Variants in MEGF6 observed in about 807,000 individuals in gnomAD.
The protein encoded by MEGF6 is multiple EGF like domains 6.
Under a neutral mutation model 207.1 loss-of-function variants are expected in MEGF6, and 184 were observed. That is an observed-to-expected ratio of 0.89 (90% CI 0.79 to 1.00). The LOEUF is 1.00. Ranked by LOEUF, MEGF6 falls within the 50% of genes least tolerant of loss-of-function variation. The pLI, the probability that MEGF6 is intolerant of heterozygous loss-of-function variation, is 0.00. For synonymous variants in MEGF6, 1,038 were observed against 910.0 expected, an observed-to-expected ratio of 1.14 and a Z score of -2.53; for missense variants, 2,282 against 2,202.9, an observed-to-expected ratio of 1.04 and a Z score of -0.72.
intron 4 of MEGF6, among the ~76,000 whole-genome samples, chr1:3,576,048 G>C (rs1407742866): frequency 6.6e-6 from 1 of 152,262 alleles, no homozygotes; most frequent in Non-Finnish European, 1.5e-5. Flanking sequence ...GGTTACCCCG[G>C]TCACACAGGC....
the MEGF6 span, chr1:3,624,158 G>T: frequency 6.5e-6 from 1 of 152,692 alleles, no homozygotes; most frequent in Non-Finnish European, 1.5e-5. Context: ...TCCGAGCAGA[G>T]GGATCTGTCC....
At chr1:3,587,668 A>T (rs1250984313) in intron 3 of MEGF6, among the ~76,000 whole-genome samples, 2 of 152,212 alleles carry the variant, frequency 1.3e-5, no homozygotes, top group East Asian at 3.9e-4. Flanking sequence ...AAAGTCTGAC[A>T]TTGTGGAAAG....
At position 3,492,654 on chromosome 1, in the gene MEGF6, G is replaced by A. The variant is rs1427402316; in HGVS notation, c.4501C>T (p.Pro1501Ser). The A allele has an allele frequency of 7.4e-6, 12 of 1,610,878 alleles. No homozygotes were observed. The highest frequency in any genetic ancestry group is 1.0e-5 in the Non-Finnish European group (12 of 1,178,526). ...CCCAGCTCACCTTCCCGGCACGTGG[G>A]CCCCATGTAGCCATCCACACAGTGA... Reference protein sequence around the residue: ...QCHCVDGYMGPTCREGGPLRL... With the variant: ...QCHCVDGYMGSTCREGGPLRL... Residue 1501 changes from proline to serine, a missense_variant, in exon 35 of 37, where the codon CCC (proline) becomes TCC (serine). Transcript: ENST00000356575.
intron 4 of MEGF6, among the ~76,000 whole-genome samples, chr1:3,528,846 T>G (rs1642053424): frequency 6.6e-6 from 1 of 152,154 alleles, no homozygotes; most frequent in Admixed American, 6.5e-5. Context: ...TTTAGCCCAC[T>G]TTGGACTGGG....
At chr1:3,601,166 T>G (rs1644151552) in intron 2 of MEGF6, among the ~76,000 whole-genome samples, 1 of 152,218 alleles carries the variant, frequency 6.6e-6, no homozygotes, top group African/African-American at 2.4e-5. Flanking sequence ...GGAGAAATCA[T>G]GCCCCCATAG....
chr1:3,601,574 C>A (rs1473881707), intron 2 of MEGF6, among the ~76,000 whole-genome samples: 2 of 152,194 alleles, frequency 1.3e-5, no homozygotes, highest in Non-Finnish European at 1.5e-5. Context: ...CTGAGATGCT[C>A]AGCAGCATCC....
Position 3,542,232 on chromosome 1 carries a change from G to A in MEGF6, c.482-17986C>T, listed in dbSNP as rs547505023. Among the ~76,000 whole-genome samples the A allele has an allele frequency of 9.6e-4, 146 of 152,360 alleles. 1 individual carries two copies. The highest frequency in any genetic ancestry group is 3.4e-3 in the African/African-American group (141 of 41,588). The stretch of plus-strand genomic sequence containing the variant: ...GGGCCTGGATGGGTGGGGTCCACCC[G>A]GCCCTGGAGGCCAAAGGCAGCACTG... On this transcript the variant is annotated intron_variant, in intron 4 of 36. Coordinates refer to ENST00000356575, the MANE Select transcript of MEGF6 (RefSeq NM_001409.4).
At chr1:3,549,404 A>C (rs1642816035) in intron 4 of MEGF6, among the ~76,000 whole-genome samples, 1 of 152,178 alleles carries the variant, frequency 6.6e-6, no homozygotes, top group African/African-American at 2.4e-5. Flanking sequence ...CAGCTCCAGA[A>C]GCAGGTGACG....
At chr1:3,523,170 C>A (rs1641827528) in intron 5 of MEGF6, among the ~76,000 whole-genome samples, 1 of 152,058 alleles carries the variant, frequency 6.6e-6, no homozygotes, top group Non-Finnish European at 1.5e-5. Context: ...CTGCTCCGGG[C>A]CTCCAAGGCA....
At chr1:3,607,891 G>A (rs979719843) in intron 1 of MEGF6, among the ~76,000 whole-genome samples, 2 of 152,238 alleles carry the variant, frequency 1.3e-5, no homozygotes, top group African/African-American at 4.8e-5. Context: ...TCCAGGGCAG[G>A]CAGCGACAGT....
chr1:3,537,663 A>T (rs963301967), intron 4 of MEGF6, among the ~76,000 whole-genome samples: 1 of 152,226 alleles, frequency 6.6e-6, no homozygotes, highest in East Asian at 1.9e-4. Context: ...GGGCACAGGC[A>T]TCACTTCCGG....
chr1:3,581,670 A>C (rs1234641281), intron 3 of MEGF6, among the ~76,000 whole-genome samples: 1 of 152,170 alleles, frequency 6.6e-6, no homozygotes, highest in Non-Finnish European at 1.5e-5. Flanking sequence ...CAAATAGCCA[A>C]GACCAATCAC....
upstream of MEGF6, among the ~76,000 whole-genome samples, chr1:3,611,879 G>A (rs932030459): frequency 6.6e-5 from 10 of 152,060 alleles, no homozygotes; most frequent in East Asian, 1.4e-3. Flanking sequence ...TCCAGGAGGG[G>A]CCGGGCGCCA....
chr1:3,501,691 A>C, intron 18 of MEGF6, 105 bp downstream of exon 18: 1 of 1,434,338 alleles, frequency 7.0e-7, no homozygotes, highest in South Asian at 1.4e-5. Context: ...CCTGCTATAG[A>C]CGGGCCTGGG....
chr1:3,506,141 C>T lies in MEGF6; in HGVS notation c.1885G>A (p.Asp629Asn), dbSNP rs1456743362. Residue 629 changes from aspartate to asparagine, a missense_variant, in exon 15 of 37, where the codon GAC becomes AAC. Asp to Asn is a conservative substitution (Grantham distance 23). Transcript: ENST00000356575. Reference sequence around the variant, plus strand: ...CAGAAGCGGCCGTAGAGCCCTGGGTCGCAGAGGCAGGCCCCGTAGAGGCGG... The same window carrying T: ...CAGAAGCGGCCGTAGAGCCCTGGGTTGCAGAGGCAGGCCCCGTAGAGGCGG... Reference protein sequence around the residue: ...CHRLYGACLCDPGLYGRFCHL... With the variant: ...CHRLYGACLCNPGLYGRFCHL... The T allele has an allele frequency of 9.4e-6, 15 of 1,598,302 alleles. No homozygotes were observed. Among genetic ancestry groups the T allele is most frequent in the South Asian group, 1.1e-5 (1 of 88,630 alleles).
In MEGF6 at chr1:3,508,539, C is replaced by T. The variant is rs1569992775; in HGVS notation, c.1660+19G>A. The T allele has an allele frequency of 1.2e-6, 2 of 1,608,836 alleles. No individual in the cohort carries two copies. The highest frequency in any genetic ancestry group is 1.7e-6 in the Non-Finnish European group (2 of 1,177,156). On this transcript the variant is annotated intron_variant, in intron 13 of 36. Coordinates refer to ENST00000356575, the MANE Select transcript of MEGF6 (RefSeq NM_001409.4). ...CAGAGGCCCCTTCCCAGCCCCCAGC[C>T]CCTGCCCAGCTGCCTCACTCTCATT...
intron 5 of MEGF6, among the ~76,000 whole-genome samples, chr1:3,523,613 C>T (rs943381407): frequency 6.6e-6 from 1 of 152,190 alleles, no homozygotes; most frequent in Non-Finnish European, 1.5e-5. Context: ...CCTGGGCCCA[C>T]AAAGCCTGGC....
At chr1:3,516,443 G>A (rs60940180) in intron 5 of MEGF6, among the ~76,000 whole-genome samples, 5,299 of 152,282 alleles carry the variant, frequency 0.035, 293 homozygotes, top group African/African-American at 0.12. Context: ...AGGGGAGGCC[G>A]TCTGCCCAGG....
At chr1:3,540,517 T>C (rs1381231386) in intron 4 of MEGF6, among the ~76,000 whole-genome samples, 2 of 152,170 alleles carry the variant, frequency 1.3e-5, no homozygotes, top group African/African-American at 4.8e-5. Context: ...TCACCACACC[T>C]CCATCTCTTT....
Sources: gnomAD v4.1 joint callset for allele counts (sites outside exome capture counted in the v4.1 genomes callset) on GRCh38, gnomAD v4.1.1 for gene constraint, MANE v1.5 for transcripts, NCBI Gene and HGNC (gene_info 2026-07-23, HGNC 2026-07-21) for gene names.